SGMS1: variants seen among roughly 807,000 people sequenced by gnomAD.
SGMS1 encodes phosphatidylcholine:ceramide cholinephosphotransferase 1.
Under a neutral mutation model 46.2 loss-of-function variants are expected in SGMS1, and 13 were observed. The observed-to-expected ratio is 0.28, with a 90% CI of 0.18 to 0.45. The LOEUF (loss-of-function observed/expected upper bound fraction) is 0.45, where lower values mean the gene tolerates loss of function less well. SGMS1 is among the 20% of genes least tolerant of loss of function. The pLI is 1.00. For synonymous variants in SGMS1, 203 were observed against 187.8 expected (o/e 1.08, Z -0.66); for missense variants, 324 against 519.9 (o/e 0.62, Z 3.66).
At chr10:50,458,624 G>C (rs1837226610) in intron 5 of SGMS1, among the ~76,000 whole-genome samples, 1 of 151,950 alleles carries the variant, frequency 6.6e-6, no homozygotes, top group South Asian at 2.1e-4. Context: ...CTCCCAAAGT[G>C]CTGGGATTGC....
Position 50,596,517 on chromosome 10 carries a change from G to C in SGMS1, c.-683-6270C>G, listed in dbSNP as rs368448596. On this transcript the variant is annotated intron_variant, in intron 1 of 10. Transcript: ENST00000361781. ...CTAATATGATAGCTTCCACATTCTG[G>C]CCTACTGTAAGCACAATAACCTTGC... Among the ~76,000 whole-genome samples, 9 of 152,180 alleles carry C rather than the reference G, an allele frequency of 5.9e-5. No individual in the cohort carries two copies. The East Asian group carries it at 1.5e-3, about 26-fold the overall frequency.
At chr10:50,529,986 T>C (rs896332580) in intron 2 of SGMS1, among the ~76,000 whole-genome samples, 1 of 152,224 alleles carries the variant, frequency 6.6e-6, no homozygotes. Flanking sequence ...ATCTTCACTA[T>C]TTCCTTTAAA....
At chr10:50,413,419 A>G (rs1237661224) in intron 6 of SGMS1, among the ~76,000 whole-genome samples, 1 of 152,252 alleles carries the variant, frequency 6.6e-6, no homozygotes, top group Non-Finnish European at 1.5e-5. Flanking sequence ...TTTTATAAAC[A>G]TACTGTTAAA....
At chr10:50,406,939 C>G (rs1026938826) in intron 6 of SGMS1, among the ~76,000 whole-genome samples, 2 of 152,156 alleles carry the variant, frequency 1.3e-5, no homozygotes, top group African/African-American at 4.8e-5. Context: ...AGGTCCTGCG[C>G]TCCTGGCCTC....
At chr10:50,560,838 G>A (rs993250259) in intron 2 of SGMS1, among the ~76,000 whole-genome samples, 2 of 152,052 alleles carry the variant, frequency 1.3e-5, no homozygotes, top group Non-Finnish European at 2.9e-5. Flanking sequence ...CAGACACTGA[G>A]CAAAGTGAGG....
chr10:50,574,961 G>GTATATATATA (rs1491469065), intron 2 of SGMS1, among the ~76,000 whole-genome samples: 101 of 45,226 alleles, frequency 2.2e-3, no homozygotes, highest in East Asian at 8.0e-3. Flanking sequence ...GGAAAATGTG[G>GTATATATATA]TGTATATATA....
chr10:50,567,203 C>T (rs944060964), intron 2 of SGMS1, among the ~76,000 whole-genome samples: 1 of 152,176 alleles, frequency 6.6e-6, no homozygotes, highest in Non-Finnish European at 1.5e-5. Context: ...CCTTGGCCTC[C>T]CAAAGTGCTG....
At chr10:50,528,993 A>G (rs1837929039) in intron 2 of SGMS1, among the ~76,000 whole-genome samples, 1 of 152,238 alleles carries the variant, frequency 6.6e-6, no homozygotes, top group South Asian at 2.1e-4. Context: ...AAATTGCTAT[A>G]GCTATTCAAA....
intron 2 of SGMS1, among the ~76,000 whole-genome samples, chr10:50,560,176 A>G (rs1027224098): frequency 2.1e-5 from 3 of 145,976 alleles, no homozygotes; most frequent in African/African-American, 7.5e-5. Context: ...TATACATTAC[A>G]TATATCAGAA....
intron 2 of SGMS1, among the ~76,000 whole-genome samples, chr10:50,557,905 T>C (rs890727062): frequency 2.0e-5 from 3 of 152,160 alleles, no homozygotes; most frequent in East Asian, 1.9e-4. Context: ...GAAATAAAGA[T>C]AGGAGGAGAA....
At chr10:50,622,643 T>C (rs1838864610) in intron 1 of SGMS1, among the ~76,000 whole-genome samples, 1 of 152,234 alleles carries the variant, frequency 6.6e-6, no homozygotes, top group Non-Finnish European at 1.5e-5. Context: ...TTCGTAAGCG[T>C]GTACCGCTGA....
intron 6 of SGMS1, among the ~76,000 whole-genome samples, chr10:50,416,071 A>G (rs74132707): frequency 0.18 from 26,670 of 152,208 alleles, 2,654 homozygotes; most frequent in African/African-American, 0.26. Flanking sequence ...TGAAAGCCGT[A>G]GCCTTCTAGA....
chr10:50,458,217 A>G (rs1222583656), intron 5 of SGMS1, among the ~76,000 whole-genome samples: 1 of 152,230 alleles, frequency 6.6e-6, no homozygotes, highest in Non-Finnish European at 1.5e-5. Flanking sequence ...GAAAATTCTT[A>G]GACATGTTTA....
chr10:50,559,203 C>A (rs189192188), intron 2 of SGMS1, among the ~76,000 whole-genome samples: 1 of 152,048 alleles, frequency 6.6e-6, no homozygotes, highest in African/African-American at 2.4e-5. Flanking sequence ...TTACACAAGC[C>A]CCCCAAAATG....
chr10:50,558,487 A>G (rs748446214), intron 2 of SGMS1, among the ~76,000 whole-genome samples: 48 of 152,190 alleles, frequency 3.2e-4, no homozygotes, highest in Non-Finnish European at 5.6e-4. Flanking sequence ...GCCAAACATT[A>G]CAATGAAAAT....
At chr10:50,486,872 A>G (rs1588850216) in intron 3 of SGMS1, among the ~76,000 whole-genome samples, 1 of 152,256 alleles carries the variant, frequency 6.6e-6, no homozygotes, top group Non-Finnish European at 1.5e-5. Flanking sequence ...TGTTCATTGC[A>G]GCACTATTCA....
chr10:50,537,043 C>A (rs1011599900), intron 2 of SGMS1, among the ~76,000 whole-genome samples: 1 of 152,178 alleles, frequency 6.6e-6, no homozygotes, highest in Non-Finnish European at 1.5e-5. Flanking sequence ...CCAGGCCTTC[C>A]AGGGAAAACA....
intron 8 of SGMS1, among the ~76,000 whole-genome samples, chr10:50,312,308 G>T: frequency 6.9e-6 from 1 of 145,334 alleles, no homozygotes; most frequent in East Asian, 2.0e-4. Context: ...AAGGATGGAA[G>T]GATGATACAT....
At chr10:50,513,452 C>T (rs1837774766) in intron 3 of SGMS1, among the ~76,000 whole-genome samples, 1 of 152,112 alleles carries the variant, frequency 6.6e-6, no homozygotes, top group Non-Finnish European at 1.5e-5. Flanking sequence ...AACACTTCCT[C>T]TCCACCCCCA....
Sources: gnomAD v4.1 joint callset for allele counts (sites outside exome capture counted in the v4.1 genomes callset) on GRCh38, gnomAD v4.1.1 for gene constraint, MANE v1.5 for transcripts, NCBI Gene and HGNC (gene_info 2026-07-23, HGNC 2026-07-21) for gene names.